Variants in ATXN7L1 observed in about 807,000 individuals in gnomAD.
ATXN7L1 encodes the protein ataxin-7-like protein 1.
ATXN7L1 carries 15 observed loss-of-function variants against 70.8 expected under a neutral mutation model. The ratio of observed to expected loss-of-function variants is 0.21; its 90% CI spans 0.14 to 0.33. The LOEUF (loss-of-function observed/expected upper bound fraction) is 0.33. Among genes scored for constraint, ATXN7L1 ranks in the 10% least tolerant of loss-of-function variants. ATXN7L1 has a pLI of 1.00. For missense variants in ATXN7L1, 975 were observed against 1,097.1 expected, an observed-to-expected ratio of 0.89 and a Z score of 1.57; for synonymous variants, 440 against 445.1, an observed-to-expected ratio of 0.99 and a Z score of 0.14.
At chr7:105,679,705 G>A (rs1459407178) in intron 3 of ATXN7L1, among the ~76,000 whole-genome samples, 1 of 152,098 alleles carries the variant, frequency 6.6e-6, no homozygotes, top group African/African-American at 2.4e-5. Flanking sequence ...AAGGCCACAC[G>A]TTATATGAAA....
At chr7:105,875,607 C>G (rs1273448631) in intron 2 of ATXN7L1, among the ~76,000 whole-genome samples, 2 of 141,382 alleles carry the variant, frequency 1.4e-5, no homozygotes, top group African/African-American at 5.2e-5. Context: ...CTTCTGCCTT[C>G]AACAGTCTCA....
At chr7:105,851,784 C>G (rs1013271178) in intron 2 of ATXN7L1, among the ~76,000 whole-genome samples, 2 of 152,114 alleles carry the variant, frequency 1.3e-5, no homozygotes, top group African/African-American at 2.4e-5. Context: ...AGAACCATCC[C>G]CAGGAGAAAT....
At chr7:105,737,754 A>AG (rs769148836) in intron 3 of ATXN7L1, among the ~76,000 whole-genome samples, 3 of 152,180 alleles carry the variant, frequency 2.0e-5, no homozygotes, top group African/African-American at 4.8e-5. Flanking sequence ...AAAATAATGA[A>AG]GGGGCGGAAG....
At chr7:105,798,917 C>A (rs1006422666) in intron 2 of ATXN7L1, among the ~76,000 whole-genome samples, 4 of 152,224 alleles carry the variant, frequency 2.6e-5, no homozygotes, top group African/African-American at 9.6e-5. Context: ...GTATTAAGGG[C>A]TCTCATAGCT....
intron 3 of ATXN7L1, among the ~76,000 whole-genome samples, chr7:105,691,398 G>A (rs1339623124): frequency 2.0e-5 from 3 of 151,930 alleles, no homozygotes; most frequent in Non-Finnish European, 4.4e-5. Flanking sequence ...CACATACACC[G>A]CCGTTTCTCT....
intron 2 of ATXN7L1, among the ~76,000 whole-genome samples, chr7:105,856,475 A>G (rs988234835): frequency 1.3e-5 from 2 of 151,190 alleles, no homozygotes; most frequent in Non-Finnish European, 2.9e-5. Flanking sequence ...AATTCCAGAT[A>G]CTCGGGAGGC....
chr7:105,657,061 A>C (rs1402430718), intron 4 of ATXN7L1, among the ~76,000 whole-genome samples: 1 of 152,114 alleles, frequency 6.6e-6, no homozygotes, highest in Non-Finnish European at 1.5e-5. Context: ...TGTTAAATCT[A>C]ATCTAAGGGC....
At chr7:105,697,004 G>A (rs1791799737) in intron 3 of ATXN7L1, among the ~76,000 whole-genome samples, 1 of 152,092 alleles carries the variant, frequency 6.6e-6, no homozygotes, top group Non-Finnish European at 1.5e-5. Context: ...CAAAAGGGGA[G>A]GGACTGTGCG....
chr7:105,875,967 T>C lies in ATXN7L1; in HGVS notation c.182-87A>G, dbSNP rs534932728. On this transcript the variant is annotated intron_variant, in intron 1 of 11. Transcript: ENST00000419735. The stretch of plus-strand genomic sequence containing the variant: ...GTCAAGGGGGGAGGGAGAGTGTTTA[T>C]TTGCAAACAGATCGATATAAATACT... 23 of 1,130,504 alleles carry C rather than the reference T, an allele frequency of 2.0e-5. No homozygotes were observed. The East Asian group carries it at 5.4e-4, about 27-fold the overall frequency. The allele number at this position is 1,130,504 out of a possible 1,614,324, so 70.0% of individuals were successfully genotyped here.
intron 8 of ATXN7L1, among the ~76,000 whole-genome samples, chr7:105,621,714 A>G (rs1450312730): frequency 3.3e-5 from 5 of 152,174 alleles, no homozygotes; most frequent in Admixed American, 6.5e-5. Context: ...AAATGACTCT[A>G]TAACTCAAAA....
intron 2 of ATXN7L1, among the ~76,000 whole-genome samples, chr7:105,835,934 A>C (rs894454431): frequency 2.6e-5 from 4 of 152,078 alleles, no homozygotes; most frequent in Non-Finnish European, 5.9e-5. Flanking sequence ...AGGGAAAAAA[A>C]CCCTCAGAAC....
chr7:105,790,689 A>ATCTATCTG (rs1449445939), intron 2 of ATXN7L1, among the ~76,000 whole-genome samples: 1 of 150,742 alleles, frequency 6.6e-6, no homozygotes, highest in Admixed American at 6.6e-5. Flanking sequence ...CTATCTATCT[A>ATCTATCTG]TCTATCTATC....
chr7:105,698,290 C>T (rs1475744016), intron 3 of ATXN7L1, among the ~76,000 whole-genome samples: 3 of 152,138 alleles, frequency 2.0e-5, no homozygotes, highest in Non-Finnish European at 4.4e-5. Flanking sequence ...TGTGGACCCA[C>T]AAACCAAGAC....
chr7:105,679,345 C>T (rs1459012746), intron 3 of ATXN7L1: 2 of 173,704 alleles, frequency 1.2e-5, no homozygotes, highest in Middle Eastern at 3.0e-3. Context: ...TCAGAGCCAG[C>T]GCTGTGTGTG....
At chr7:105,748,100 G>C (rs546684067) in intron 3 of ATXN7L1, among the ~76,000 whole-genome samples, 1 of 133,370 alleles carries the variant, frequency 7.5e-6, no homozygotes, top group East Asian at 2.2e-4. Flanking sequence ...CCTGGGTAAC[G>C]AGCAAAACTC....
At chr7:105,721,395 G>T (rs1371161093) in intron 3 of ATXN7L1, among the ~76,000 whole-genome samples, 1 of 152,198 alleles carries the variant, frequency 6.6e-6, no homozygotes, top group African/African-American at 2.4e-5. Flanking sequence ...CTGCTGGAAG[G>T]ATTCCTGGAC....
intron 3 of ATXN7L1, among the ~76,000 whole-genome samples, chr7:105,781,992 G>C (rs1186495325): frequency 2.6e-5 from 4 of 152,022 alleles, no homozygotes; most frequent in Non-Finnish European, 5.9e-5. Context: ...CACTACGCCT[G>C]GCTAATATTT....
At chr7:105,769,792 C>A (rs60087520) in intron 3 of ATXN7L1, among the ~76,000 whole-genome samples, 1 of 152,108 alleles carries the variant, frequency 6.6e-6, no homozygotes, top group Non-Finnish European at 1.5e-5. Flanking sequence ...TTTTCTTTTA[C>A]CTTTTTGTCT....
intron 3 of ATXN7L1, among the ~76,000 whole-genome samples, chr7:105,687,446 C>T (rs981585938): frequency 3.3e-5 from 5 of 152,102 alleles, no homozygotes; most frequent in African/African-American, 1.2e-4. Flanking sequence ...GGATAGGTGT[C>T]CTTAAGAAAA....
Sources: gnomAD v4.1 joint callset for allele counts (sites outside exome capture counted in the v4.1 genomes callset) on GRCh38, gnomAD v4.1.1 for gene constraint, MANE v1.5 for transcripts, NCBI Gene and HGNC (gene_info 2026-07-23, HGNC 2026-07-21) for gene names.